The following CDKN2B-AS1 variants were observed in gnomAD, a reference collection of about 807,000 sequenced individuals.
The protein encoded by CDKN2B-AS1 is CDKN2B and CDKN2A antisense cis and trans regulatory RNA 1.
intron 1 of CDKN2B-AS1, among the ~76,000 whole-genome samples, chr9:22,026,759 GT>G (rs1822257778): frequency 6.6e-6 from 1 of 152,208 alleles, no homozygotes; most frequent in Admixed American, 6.5e-5. Context: ...GAAAGCTGGA[GT>G]AGCTAAAGCT....
chr9:22,095,898 A>G (rs1479649005), intron 4 of CDKN2B-AS1, among the ~76,000 whole-genome samples: 1 of 151,534 alleles, frequency 6.6e-6, no homozygotes, highest in Non-Finnish European at 1.5e-5. Context: ...ATCAGAGACT[A>G]GGATTGCAAC....
chr9:22,062,752 GT>G (rs201831373), intron 4 of CDKN2B-AS1, among the ~76,000 whole-genome samples: 82 of 149,106 alleles, frequency 5.5e-4, no homozygotes, highest in Non-Finnish European at 1.0e-3. Flanking sequence ...ATATTGTGTA[GT>G]TTTTTTTTTA....
At chr9:22,008,879 T>A in intron 1 of CDKN2B-AS1, 1 of 1,612,332 alleles carries the variant, frequency 6.2e-7, no homozygotes, top group Non-Finnish European at 8.5e-7. Context: ...TCTCCACTAG[T>A]CCCCGCGCCG....
At chr9:22,091,353 G>A (rs200265707) in intron 4 of CDKN2B-AS1, among the ~76,000 whole-genome samples, 22 of 151,982 alleles carry the variant, frequency 1.4e-4, no homozygotes, top group East Asian at 3.9e-4. Flanking sequence ...GTTTTTTCCA[G>A]TTCTGTGAAG....
At chr9:21,998,509 G>A (rs1408222148) in intron 1 of CDKN2B-AS1, among the ~76,000 whole-genome samples, 1 of 152,154 alleles carries the variant, frequency 6.6e-6, no homozygotes, top group African/African-American at 2.4e-5. Context: ...CTTTTCTGTT[G>A]TCCCAAAGGC....
intron 4 of CDKN2B-AS1, among the ~76,000 whole-genome samples, chr9:22,062,608 G>A (rs1823867416): frequency 6.6e-6 from 1 of 152,090 alleles, no homozygotes; most frequent in African/African-American, 2.4e-5. Flanking sequence ...GGGTTCTGAG[G>A]TAGTCTCTGT....
Position 22,005,044 on chromosome 9 carries a change from A to T in CDKN2B-AS1, n.29+9883A>T, listed in dbSNP as rs1339680671. ...CCATTAAATAAGACAGTTGCTGAAC[A>T]ACTAAAAAGTACAAAATATCACAAA... On this transcript the variant is annotated intron_variant and non_coding_transcript_variant, in intron 1 of 4. Transcript: ENST00000650946. This position sits in a 1 kb window ranked among gnomAD's most constrained non-coding sequence, Gnocchi z 4.9. 1 of 233,246 alleles carries T rather than the reference A, an allele frequency of 4.3e-6. No homozygotes were observed. The highest frequency in any genetic ancestry group is 8.5e-6 in the Non-Finnish European group (1 of 118,094). 14.4% of individuals were successfully genotyped at this position (233,246 alleles called of 1,614,324 possible). A position where few individuals can be genotyped will look rare whatever the true frequency, so the allele number is the denominator to read the frequency against.
At chr9:22,022,397 C>CATT (rs2131225597) in intron 1 of CDKN2B-AS1, among the ~76,000 whole-genome samples, 1 of 152,090 alleles carries the variant, frequency 6.6e-6, no homozygotes, top group South Asian at 2.1e-4. Flanking sequence ...AACCCTTTAC[C>CATT]ATTATGTAAT....
intron 4 of CDKN2B-AS1, among the ~76,000 whole-genome samples, chr9:22,066,747 A>G (rs1824060792): frequency 2.0e-5 from 3 of 152,072 alleles, no homozygotes; most frequent in Admixed American, 2.0e-4. Flanking sequence ...AGAAATTCTC[A>G]GAAGCTGGAA....
intron 1 of CDKN2B-AS1, among the ~76,000 whole-genome samples, chr9:22,026,590 G>T (rs1822248237): frequency 1.3e-5 from 2 of 152,234 alleles, no homozygotes; most frequent in Admixed American, 1.3e-4. Flanking sequence ...CTTATCCTGT[G>T]AGGCGCTGTG....
At chr9:22,034,479 C>T (rs564291930) in intron 1 of CDKN2B-AS1, among the ~76,000 whole-genome samples, 1 of 152,244 alleles carries the variant, frequency 6.6e-6, no homozygotes, top group Admixed American at 6.5e-5. Context: ...ATGAAGTAGT[C>T]AATAAAATTC....
intron 4 of CDKN2B-AS1, among the ~76,000 whole-genome samples, chr9:22,080,254 C>T (rs928826515): frequency 2.0e-5 from 3 of 152,242 alleles, no homozygotes; most frequent in African/African-American, 7.2e-5. Context: ...ACTTTCCCCT[C>T]CCTGGCTCCC....
At chr9:22,027,880 TAA>T (rs1822306122) in intron 1 of CDKN2B-AS1, among the ~76,000 whole-genome samples, 1 of 152,146 alleles carries the variant, frequency 6.6e-6, no homozygotes, top group African/African-American at 2.4e-5. Context: ...AAGGAATAAT[TAA>T]AAGAGGCTAT....
intron 3 of CDKN2B-AS1, among the ~76,000 whole-genome samples, chr9:22,056,038 G>C (rs1823549486): frequency 6.7e-6 from 1 of 149,982 alleles, no homozygotes; most frequent in Non-Finnish European, 1.5e-5. Flanking sequence ...AGGTTACATA[G>C]ATTTTTTTTT....
Position 21,996,740 on chromosome 9 carries a change from A to C in CDKN2B-AS1, n.29+1579A>C, listed in dbSNP as rs893498410. ...ATTAGGTTTTCTGTCCCACAGAGGA[A>C]GGGCGCTTTAGAAAGGGTTAGTTCA... is the stretch of plus-strand genomic sequence containing the variant. On this transcript the variant is annotated intron_variant and non_coding_transcript_variant, in intron 1 of 4. Coordinates refer to ENST00000650946, the Ensembl canonical transcript of CDKN2B-AS1. This position sits in a 1 kb window ranked among gnomAD's most constrained non-coding sequence, Gnocchi z 5.4. Among the ~76,000 whole-genome samples the C allele has an allele frequency of 1.3e-5, 2 of 152,142 alleles. No homozygotes were observed. The highest frequency in any genetic ancestry group is 4.8e-5 in the African/African-American group (2 of 41,434).
chr9:22,000,744 T>G lies in CDKN2B-AS1; in HGVS notation n.29+5583T>G, dbSNP rs1447750443. ...TGTGTATTATTGCTTATAAATATAT[T>G]CTAAAATATATAATAACAAACAATA... On this transcript the variant is annotated intron_variant and non_coding_transcript_variant, in intron 1 of 4. Coordinates refer to ENST00000650946, the Ensembl canonical transcript of CDKN2B-AS1. This position sits in a 1 kb window ranked among gnomAD's most constrained non-coding sequence, Gnocchi z 4.1. Among the ~76,000 whole-genome samples, 3 of 152,176 alleles carry G rather than the reference T, an allele frequency of 2.0e-5. No homozygotes were observed. The highest frequency in any genetic ancestry group is 7.2e-5 in the African/African-American group (3 of 41,450).
intron 3 of CDKN2B-AS1, among the ~76,000 whole-genome samples, chr9:22,050,389 G>C (rs1823295794): frequency 6.6e-6 from 1 of 152,198 alleles, no homozygotes; most frequent in Non-Finnish European, 1.5e-5. Flanking sequence ...CTGCTGTGAT[G>C]ACTGTGGAAG....
chr9:22,073,653 A>G (rs1273160358), intron 4 of CDKN2B-AS1, among the ~76,000 whole-genome samples: 1 of 152,132 alleles, frequency 6.6e-6, no homozygotes, highest in Non-Finnish European at 1.5e-5. Context: ...GTTTTGACCC[A>G]TTTAGCTACT....
intron 4 of CDKN2B-AS1, among the ~76,000 whole-genome samples, chr9:22,073,153 C>T (rs1397456757): frequency 1.3e-5 from 2 of 151,810 alleles, no homozygotes; most frequent in Non-Finnish European, 2.9e-5. Flanking sequence ...TATAAAGGGA[C>T]CTAGGAAACC....
Sources: gnomAD v4.1 joint callset for allele counts (sites outside exome capture counted in the v4.1 genomes callset) on GRCh38, gnomAD v4.1.1 for gene constraint, Gnocchi (gnomAD v3.1) non-coding constraint, MANE v1.5 for transcripts, NCBI Gene and HGNC (gene_info 2026-07-23, HGNC 2026-07-21) for gene names.